Variants in CCDC83 observed in about 807,000 individuals in gnomAD.
CCDC83 encodes the protein coiled-coil domain containing 83, also known as coiled-coil domain-containing protein 83.
In CCDC83, 54 loss-of-function variants were observed where a neutral mutation model predicts 50.1. The observed-to-expected ratio is 1.08, with a 90% CI of 0.87 to 1.35. The LOEUF is 1.35. CCDC83 is among the 40% of genes most tolerant of loss of function. CCDC83 has a pLI of 0.00. For synonymous variants in CCDC83, 161 were observed against 153.3 expected (o/e 1.05, Z -0.37); for missense variants, 518 against 473.9 (o/e 1.09, Z -0.86).
intron 8 of CCDC83, 47 bp from the exon 9 acceptor site, chr11:85,915,372 G>A (rs772129375): frequency 7.6e-7 from 1 of 1,309,756 alleles, no homozygotes; most frequent in South Asian, 1.2e-5. Flanking sequence ...AGCATGCAAT[G>A]CAATATTTAT....
intron 3 of CCDC83, among the ~76,000 whole-genome samples, chr11:85,873,862 T>C (rs981212245): frequency 3.0e-4 from 45 of 152,328 alleles, no homozygotes; most frequent in East Asian, 2.3e-3. Context: ...TTAACACAAT[T>C]TATCCCTCAA....
intron 8 of CCDC83, 107 bp downstream of exon 8, chr11:85,911,509 C>A: frequency 3.2e-6 from 3 of 933,940 alleles, no homozygotes; most frequent in Non-Finnish European, 3.1e-6. Context: ...AGTGCTCCAG[C>A]AGTAGTCAAA....
intron 2 of CCDC83, among the ~76,000 whole-genome samples, chr11:85,869,075 T>C (rs756937093): frequency 3.3e-5 from 5 of 152,224 alleles, no homozygotes; most frequent in South Asian, 2.1e-4. Context: ...TGCCTGTTGA[T>C]ACAGGAAACA....
chr11:85,876,174 T>C (rs777199679), intron 3 of CCDC83, among the ~76,000 whole-genome samples: 1 of 152,220 alleles, frequency 6.6e-6, no homozygotes, highest in Non-Finnish European at 1.5e-5. Context: ...CATCCCTTAA[T>C]TATCACATTT....
At chr11:85,861,529 G>A (rs1047724786) in intron 1 of CCDC83, among the ~76,000 whole-genome samples, 1 of 152,192 alleles carries the variant, frequency 6.6e-6, no homozygotes, top group Non-Finnish European at 1.5e-5. Flanking sequence ...TGCTAATGCT[G>A]TTAAGTAAAT....
At chr11:85,914,003 A>G (rs1029086607) in intron 8 of CCDC83, among the ~76,000 whole-genome samples, 4 of 152,244 alleles carry the variant, frequency 2.6e-5, no homozygotes, top group African/African-American at 2.4e-5. Flanking sequence ...TCACAATGGT[A>G]AAACTAGGAA....
chr11:85,894,547 T>C (rs1004557131), intron 5 of CCDC83, among the ~76,000 whole-genome samples: 1 of 152,218 alleles, frequency 6.6e-6, no homozygotes, highest in Non-Finnish European at 1.5e-5. Flanking sequence ...GATCACCCGA[T>C]CTAAAATTGA....
intron 7 of CCDC83, among the ~76,000 whole-genome samples, chr11:85,904,361 A>C (rs1328510707): frequency 6.6e-6 from 1 of 152,172 alleles, no homozygotes; most frequent in Non-Finnish European, 1.5e-5. Context: ...CAGGTAATAG[A>C]GAGTCATGGA....
intron 1 of CCDC83, among the ~76,000 whole-genome samples, chr11:85,862,616 T>C (rs2153681960): frequency 6.6e-6 from 1 of 152,296 alleles, no homozygotes. Flanking sequence ...TCGACGTCTA[T>C]TTGTCAGATA....
chr11:85,919,219 A>G, intron 10 of CCDC83, 130 bp from the exon 11 acceptor site: 1 of 792,012 alleles, frequency 1.3e-6, no homozygotes, highest in South Asian at 2.0e-5. Flanking sequence ...TGTGCTACAC[A>G]GCATCAGGCA....
chr11:85,917,848 G>A (rs753142543), intron 10 of CCDC83: 5 of 152,208 alleles, frequency 3.3e-5, no homozygotes, highest in Non-Finnish European at 7.3e-5. Flanking sequence ...TCTCAGGCTA[G>A]TGGACAGTTG....
chr11:85,889,279 T>C (rs2093340793), intron 5 of CCDC83, among the ~76,000 whole-genome samples: 1 of 152,200 alleles, frequency 6.6e-6, no homozygotes, highest in Non-Finnish European at 1.5e-5. Flanking sequence ...CTGAGCCTAG[T>C]AGGCAGAGGT....
intron 2 of CCDC83, among the ~76,000 whole-genome samples, chr11:85,871,583 C>T (rs2093237721): frequency 1.3e-5 from 2 of 152,128 alleles, no homozygotes. Context: ...CTGAAATTTA[C>T]TAAGCATTTA....
chr11:85,855,919 T>C (rs1199344275), intron 1 of CCDC83, among the ~76,000 whole-genome samples: 1 of 152,218 alleles, frequency 6.6e-6, no homozygotes, highest in Non-Finnish European at 1.5e-5. Context: ...CGCAATGCTC[T>C]TCCGCTGTAG....
rs1469077155 is a variant in CCDC83, at chr11:85,895,301, A to G, written c.520A>G (p.Lys174Glu). ...TTTTTTTTTTTTTAAAGAACACTAT[A>G]AAATCACTCTGGAAGATACTAGAAA... ...ENAEKMSEHY[K>E]ITLEDTRKKI... The change falls in exon 6 of 11, where the codon AAA becomes GAA. Residue 174 changes from lysine (K) to glutamate (E), a missense_variant. Lys to Glu is a moderately conservative substitution (Grantham distance 56, BLOSUM62 1). Transcript: ENST00000342404. The G allele has an allele frequency of 3.6e-6, 5 of 1,384,788 alleles. No homozygotes were observed. In the South Asian group the frequency reaches 6.7e-5, roughly 19 times the overall value. 85.8% of individuals were successfully genotyped at this position (1,384,788 alleles called of 1,614,324 possible). A position where few individuals can be genotyped will look rare whatever the true frequency, so the allele number is the denominator to read the frequency against.
At chr11:85,902,435 T>C (rs1184966967) in intron 7 of CCDC83, among the ~76,000 whole-genome samples, 1 of 152,160 alleles carries the variant, frequency 6.6e-6, no homozygotes, top group East Asian at 1.9e-4. Context: ...AACAGTATAC[T>C]TCCCAGTATA....
At chr11:85,910,205 G>A (rs114373839) in intron 7 of CCDC83, among the ~76,000 whole-genome samples, 241 of 152,256 alleles carry the variant, frequency 1.6e-3, no homozygotes, top group African/African-American at 5.4e-3. Flanking sequence ...TCTCTCCTCC[G>A]ATGGCACCAG....
intron 5 of CCDC83, among the ~76,000 whole-genome samples, chr11:85,890,269 T>C (rs1282996374): frequency 6.6e-6 from 1 of 152,166 alleles, no homozygotes; most frequent in Non-Finnish European, 1.5e-5. Flanking sequence ...GCTGCTGCCC[T>C]GGGCTGGGCC....
At chr11:85,907,982 A>T (rs2093433132) in intron 7 of CCDC83, among the ~76,000 whole-genome samples, 1 of 152,160 alleles carries the variant, frequency 6.6e-6, no homozygotes, top group Admixed American at 6.5e-5. Context: ...TTGACATTTG[A>T]AAATCATAAA....
Sources: allele counts gnomAD v4.1 joint callset (sites outside exome capture counted in the v4.1 genomes callset), GRCh38; gene constraint gnomAD v4.1.1; transcripts MANE v1.5; gene names NCBI Gene and HGNC (gene_info 2026-07-23, HGNC 2026-07-21).